The following DENND10 variants were observed in gnomAD, a reference collection of about 807,000 sequenced individuals.
DENND10 encodes the protein DENN domain-containing protein 10.
In DENND10, 24 loss-of-function variants were observed where a neutral mutation model predicts 43.6. The observed-to-expected ratio is 0.55, with a 90% CI of 0.40 to 0.77. The LOEUF is 0.77. DENND10 is among the 30% of genes least tolerant of loss of function. The probability of loss-of-function intolerance (pLI) is 0.00; values close to 1 mark genes in which losing one functional copy is unlikely to be tolerated. For missense variants in DENND10, 303 were observed against 429.9 expected, an observed-to-expected ratio of 0.70 and a Z score of 2.61; for synonymous variants, 125 against 157.6, an observed-to-expected ratio of 0.79 and a Z score of 1.55.
intron 3 of DENND10, among the ~76,000 whole-genome samples, chr10:119,115,426 C>T (rs1167178050): frequency 7.9e-5 from 6 of 75,694 alleles, no homozygotes; most frequent in East Asian, 5.3e-4. Context: ...CTCGCTCTGT[C>T]GCCCAGGCTG....
At chr10:119,114,942 A>C (rs1444329397) in intron 3 of DENND10, among the ~76,000 whole-genome samples, 1 of 151,710 alleles carries the variant, frequency 6.6e-6, no homozygotes, top group African/African-American at 2.4e-5. Context: ...GCTAATTTTT[A>C]TATTTTTAGT....
intron 3 of DENND10, among the ~76,000 whole-genome samples, chr10:119,115,106 T>C (rs1845183630): frequency 6.6e-6 from 1 of 152,062 alleles, no homozygotes; most frequent in African/African-American, 2.4e-5. Context: ...TGGTTTTTTG[T>C]TGTTGGTAGT....
chr10:119,118,912 C>T (rs1218509153), intron 4 of DENND10, among the ~76,000 whole-genome samples: 2 of 148,460 alleles, frequency 1.3e-5, no homozygotes, highest in Non-Finnish European at 3.0e-5. Flanking sequence ...GGCACAATCT[C>T]AGCTCACTGC....
At chr10:119,108,356 G>T (rs1043555828) in intron 2 of DENND10, among the ~76,000 whole-genome samples, 192 bp downstream of exon 2, 2 of 151,480 alleles carry the variant, frequency 1.3e-5, no homozygotes, top group Non-Finnish European at 2.9e-5. Flanking sequence ...GGTGGCGCAC[G>T]CCTGTAGTCC....
intron 4 of DENND10, 67 bp from the exon 5 acceptor site, chr10:119,120,273 GA>G (rs1030469152): frequency 7.3e-5 from 76 of 1,034,338 alleles, no homozygotes; most frequent in African/African-American, 1.7e-4. Context: ...AAGAAAAAAA[GA>G]AAAAAAAATC....
chr10:119,127,225 A>G (rs1017603548), intron 6 of DENND10, among the ~76,000 whole-genome samples: 1 of 151,874 alleles, frequency 6.6e-6, no homozygotes, highest in African/African-American at 2.4e-5. Flanking sequence ...AATGTTTTTT[A>G]TTTCCCAGTG....
intron 8 of DENND10, chr10:119,134,941 G>C (rs1292343363): frequency 6.6e-6 from 1 of 151,836 alleles, no homozygotes; most frequent in Non-Finnish European, 1.5e-5. Flanking sequence ...GAGGCGGGCG[G>C]ATCACCTGAG....
chr10:119,105,575 G>A (rs1276069207), intron 1 of DENND10: 3 of 1,036,874 alleles, frequency 2.9e-6, no homozygotes, highest in African/African-American at 3.4e-5. Flanking sequence ...TCTCCAGAAG[G>A]TACTTTTGAA....
At position 119,137,241 on chromosome 10, in the gene DENND10, A is replaced by G. The variant is rs1846402430; in HGVS notation, c.*594A>G. On this transcript the variant is annotated 3_prime_UTR_variant, in exon 9 of 9. Coordinates refer to ENST00000361432, the MANE Select transcript of DENND10 (RefSeq NM_207009.4). ...CATTTTGCCTATGAGAGTTTTGCAT[A>G]TATTTTATACTTGAGTAGACAACTT... 6.2e-6 allele frequency: 1 copy of G among 160,028 alleles called. No homozygotes were observed. Among genetic ancestry groups the G allele is most frequent in the South Asian group, 2.2e-4 (1 of 4,460 alleles). The allele number at this position is 160,028 out of a possible 1,614,324, so 9.9% of individuals were successfully genotyped here.
At chr10:119,119,468 G>C (rs1845458335) in intron 4 of DENND10, among the ~76,000 whole-genome samples, 1 of 151,988 alleles carries the variant, frequency 6.6e-6, no homozygotes, top group Admixed American at 6.6e-5. Context: ...GTAGAGATGG[G>C]GTTGCACCAT....
chr10:119,105,137 T>C (rs892944781), intron 1 of DENND10: 1 of 152,236 alleles, frequency 6.6e-6, no homozygotes, highest in Non-Finnish European at 1.5e-5. Context: ...TTTCCCGAGA[T>C]TTTTGCACAC....
chr10:119,120,889 C>T (rs1053161715), intron 5 of DENND10, among the ~76,000 whole-genome samples: 1 of 152,112 alleles, frequency 6.6e-6, no homozygotes, highest in Non-Finnish European at 1.5e-5. Context: ...TCAGTTTTAT[C>T]AAAGACTCTT....
chr10:119,129,698 C>A, intron 7 of DENND10, 76 bp downstream of exon 7: 1 of 1,061,978 alleles, frequency 9.4e-7, no homozygotes, highest in Non-Finnish European at 1.5e-6. Context: ...TCTCTAAAAC[C>A]AGTATGTGAG....
rs1157560558 is a variant in DENND10 at position 119,129,582 on chromosome 10, T to C, written c.762T>C (p.Asn254=). Residue 254 remains asparagine, a synonymous_variant, in exon 7 of 9, where the codon AAT becomes AAC. Coordinates refer to ENST00000361432, the MANE Select transcript of DENND10 (RefSeq NM_207009.4). The part of the protein sequence containing the change: ...NRPDLYDVFV[N]LAESEITIAP... Reference sequence around the variant, plus strand: ...CAGACCTCTATGATGTGTTTGTGAATCTGGCAGAGAGTGAGATTACCATTG... The same window carrying C: ...CAGACCTCTATGATGTGTTTGTGAACCTGGCAGAGAGTGAGATTACCATTG... The C allele has an allele frequency of 3.1e-6, 5 of 1,613,608 alleles. No individual in the cohort carries two copies. In the African/African-American group the frequency reaches 6.7e-5, roughly 22 times the overall value.
At chr10:119,113,926 A>C (rs1410266004) in intron 3 of DENND10, among the ~76,000 whole-genome samples, 1 of 152,228 alleles carries the variant, frequency 6.6e-6, no homozygotes. Flanking sequence ...CGCTATCCAG[A>C]AGCCATAAAC....
At chr10:119,124,251 C>T (rs150160592) in intron 6 of DENND10, among the ~76,000 whole-genome samples, 1,664 of 149,754 alleles carry the variant, frequency 0.011, 37 homozygotes, top group African/African-American at 0.039. Context: ...TTTGGCCGGG[C>T]GCGGTGCCTC....
At chr10:119,108,941 G>A (rs1028099460) in intron 2 of DENND10, among the ~76,000 whole-genome samples, 6 of 26,024 alleles carry the variant, frequency 2.3e-4, no homozygotes, top group African/African-American at 3.0e-4. Flanking sequence ...CAGGCCGAGC[G>A]TGTTGGCTCA....
intron 3 of DENND10, chr10:119,114,396 G>A (rs1261383489): frequency 6.6e-6 from 1 of 152,272 alleles, no homozygotes; most frequent in Non-Finnish European, 1.5e-5. Context: ...AGGCAGGCGT[G>A]CCTTCCACAC....
At chr10:119,108,750 G>A (rs1221095568) in intron 2 of DENND10, among the ~76,000 whole-genome samples, 1 of 150,918 alleles carries the variant, frequency 6.6e-6, no homozygotes, top group Non-Finnish European at 1.5e-5. Flanking sequence ...CGCCTCCCGG[G>A]TTCAAGCGAT....
Sources: allele counts gnomAD v4.1 joint callset (sites outside exome capture counted in the v4.1 genomes callset), GRCh38; gene constraint gnomAD v4.1.1; transcripts MANE v1.5; gene names NCBI Gene and HGNC (gene_info 2026-07-23, HGNC 2026-07-21).